NBR1: variants seen among roughly 807,000 people sequenced by gnomAD.
NBR1 encodes next to BRCA1 gene 1 protein.
In NBR1, 59 loss-of-function variants were observed where a neutral mutation model predicts 115.5. The observed-to-expected ratio is 0.51, with a 90% CI of 0.41 to 0.63. The LOEUF is 0.63. Ranked by LOEUF, NBR1 falls within the 30% of genes least tolerant of loss-of-function variation. The pLI is 0.00. For synonymous variants in NBR1, 373 were observed against 414.7 expected (o/e 0.90, Z 1.22); for missense variants, 1,043 against 1,150.5 (o/e 0.91, Z 1.35).
At chr17:43,185,915 C>T (rs2056789258) in intron 5 of NBR1, among the ~76,000 whole-genome samples, 2 of 151,862 alleles carry the variant, frequency 1.3e-5, no homozygotes, top group African/African-American at 4.8e-5. Context: ...GCAGGAGAAT[C>T]GTTTGAACCC....
intron 19 of NBR1, 113 bp downstream of exon 19, chr17:43,202,825 A>G: frequency 1.2e-6 from 1 of 815,916 alleles, no homozygotes; most frequent in Non-Finnish European, 2.0e-6. Context: ...AGAGAAGGGG[A>G]GCCTTTGTTC....
In NBR1 at chr17:43,189,722, T is replaced by C. The variant is rs770834261; in HGVS notation, c.615T>C (p.Phe205=). The change falls in exon 8 of 21, where the codon TTT becomes TTC. Residue 205 remains phenylalanine (F), a synonymous_variant. Coordinates refer to ENST00000590996, the MANE Select transcript of NBR1 (RefSeq NM_005899.5). ...TGCCTACTTCAGAAGAAACATTGTTTTTGCCAGAAAACCAGTTCAGCTGGC... is the reference window on the plus strand; with the variant it reads ...TGCCTACTTCAGAAGAAACATTGTTCTTGCCAGAAAACCAGTTCAGCTGGC... ...VSMPTSEETL[F]LPENQFSWHI... is the part of the protein sequence containing the mutation. 5 of 1,613,894 alleles carry C rather than the reference T, an allele frequency of 3.1e-6. No homozygotes were observed. Among genetic ancestry groups the C allele is most frequent in the South Asian group, 1.1e-5 (1 of 91,082 alleles).
Position 43,210,727 on chromosome 17 carries a change from T to A in NBR1, c.*653T>A, listed in dbSNP as rs1424189457. On this transcript the variant is annotated 3_prime_UTR_variant, in exon 21 of 21. Transcript: ENST00000590996. ...CGCATTTCAATGAAAGGAGGAAGAG[T>A]GTGCTGATAAACCTACCAGCACCTA... 1 of 398,230 alleles carries A rather than the reference T, an allele frequency of 2.5e-6. No homozygotes were observed. Among genetic ancestry groups the A allele is most frequent in the African/African-American group, 2.1e-5 (1 of 48,568 alleles). 24.7% of individuals were successfully genotyped at this position (398,230 alleles called of 1,614,324 possible).
intron 2 of NBR1, among the ~76,000 whole-genome samples, chr17:43,177,252 G>A (rs1231060752): frequency 1.0e-4 from 14 of 133,808 alleles, no homozygotes; most frequent in Non-Finnish European, 1.8e-4. Context: ...CAGCCTGAGC[G>A]ACAGAGTGAG....
intron 9 of NBR1, 50 bp from the exon 10 acceptor site, chr17:43,191,322 C>G (rs771818220): frequency 1.4e-6 from 2 of 1,397,980 alleles, no homozygotes; most frequent in Non-Finnish European, 2.0e-6. Flanking sequence ...CACATAGCTT[C>G]AGAATTTATT....
chr17:43,200,633 G>C lies in NBR1; in HGVS notation c.2468+25G>C, dbSNP rs549960438. On this transcript the variant is annotated intron_variant, in intron 17 of 20. Transcript: ENST00000590996. ...GGTACCACTCACAGCCCCCTCAGCT[G>C]GGGTGTTCTTCAGAGGTGAAATAAA... is the stretch of plus-strand genomic sequence containing the variant. The C allele has an allele frequency of 5.7e-6, 9 of 1,566,916 alleles. 1 individual carries two copies. In the Admixed American group the frequency reaches 1.6e-4, roughly 28 times the overall value.
chr17:43,204,051 A>T (rs947697697), intron 20 of NBR1, among the ~76,000 whole-genome samples: 5 of 150,388 alleles, frequency 3.3e-5, no homozygotes, highest in Non-Finnish European at 7.4e-5. Context: ...CATTCTCCTG[A>T]CTCAGCCTCC....
At chr17:43,189,955 C>T (rs1380582640) in intron 8 of NBR1, 153 bp downstream of exon 8, 7 of 668,156 alleles carry the variant, frequency 1.0e-5, no homozygotes, top group African/African-American at 7.2e-5. Context: ...ACTCTTCACC[C>T]ACATGCTTTG....
At chr17:43,177,165 C>A (rs1257550161) in intron 2 of NBR1, among the ~76,000 whole-genome samples, 3 of 151,210 alleles carry the variant, frequency 2.0e-5, no homozygotes, top group African/African-American at 7.3e-5. Flanking sequence ...TCCAGCTACT[C>A]CGGAGGTTGA....
chr17:43,204,813 T>TAAAAAAAAAAA (rs1214948352), intron 20 of NBR1, among the ~76,000 whole-genome samples: 3 of 122,258 alleles, frequency 2.5e-5, no homozygotes, highest in Admixed American at 8.8e-5. Context: ...GACTCCATCT[T>TAAAAAAAAAAA]AAAAAAAAAA....
At chr17:43,177,871 G>C (rs949254927) in intron 2 of NBR1, 65 bp from the exon 3 acceptor site, 1 of 1,283,624 alleles carries the variant, frequency 7.8e-7, no homozygotes, top group African/African-American at 1.5e-5. Context: ...TGATTTTGTG[G>C]GTTTTTTTTA....
In NBR1 at chr17:43,193,856, T is replaced by G. The variant is rs545690692; in HGVS notation, c.1524+218T>G. 2.0e-4 allele frequency among the ~76,000 whole-genome samples: 30 copies of G among 152,340 alleles called. 1 individual carries two copies. The highest frequency in any genetic ancestry group is 7.0e-4 in the African/African-American group (29 of 41,580). On this transcript the variant is annotated intron_variant, in intron 12 of 20. Coordinates refer to ENST00000590996, the MANE Select transcript of NBR1 (RefSeq NM_005899.5). ...GGGTCTTGCTGCATACTGAATACTT[T>G]TGTACCTCTTTGTGATGTTGCATGG...
Position 43,189,576 on chromosome 17 carries a change from T to C in NBR1, c.481-12T>C, listed in dbSNP as rs772096420. The C allele has an allele frequency of 2.7e-5, 43 of 1,605,630 alleles. No individual in the cohort carries two copies. Among genetic ancestry groups the C allele is most frequent in the Non-Finnish European group, 3.6e-5 (42 of 1,172,724 alleles). On this transcript the variant is annotated splice_polypyrimidine_tract_variant and intron_variant, in intron 7 of 20. Transcript: ENST00000590996. ...ACTGAGTTTTTTCCCTACCTTCTGC[T>C]CCATATTCTAGTTCAGAGAACAAGT... is the stretch of plus-strand genomic sequence containing the variant.
At chr17:43,207,923 T>A (rs1212315624) in intron 20 of NBR1, among the ~76,000 whole-genome samples, 1 of 152,032 alleles carries the variant, frequency 6.6e-6, no homozygotes, top group African/African-American at 2.4e-5. Context: ...TGCCTACAGA[T>A]TATAGCAGAA....
chr17:43,205,799 G>A (rs538835220), intron 20 of NBR1, among the ~76,000 whole-genome samples: 3 of 149,952 alleles, frequency 2.0e-5, no homozygotes, highest in African/African-American at 7.4e-5. Flanking sequence ...GATCACTTCA[G>A]CCCGGGAGGC....
chr17:43,192,214 G>A (rs1407473121), intron 10 of NBR1, among the ~76,000 whole-genome samples: 1 of 151,338 alleles, frequency 6.6e-6, no homozygotes, highest in Non-Finnish European at 1.5e-5. Context: ...GTAGAGATGG[G>A]GTTTCATCCT....
intron 8 of NBR1, 148 bp from the exon 9 acceptor site, chr17:43,190,461 G>A: frequency 1.3e-6 from 1 of 752,854 alleles, no homozygotes; most frequent in South Asian, 1.7e-5. Context: ...TTATTAATGA[G>A]GAAAATTGAG....
At chr17:43,187,249 C>G (rs1253999901) in intron 6 of NBR1, among the ~76,000 whole-genome samples, 2 of 151,946 alleles carry the variant, frequency 1.3e-5, no homozygotes, top group African/African-American at 4.8e-5. Flanking sequence ...GGCGCGATCT[C>G]GGCTTATTGC....
chr17:43,200,593 C>T lies in NBR1; in HGVS notation c.2453C>T (p.Pro818Leu), dbSNP rs750531654. The T allele has an allele frequency of 1.2e-6, 2 of 1,604,568 alleles. No homozygotes were observed. Among genetic ancestry groups the T allele is most frequent in the Non-Finnish European group, 1.7e-6 (2 of 1,173,080 alleles). The change falls in exon 17 of 21, where the codon CCA (proline) becomes CTA (leucine). Residue 818 changes from proline (P) to leucine (L), a missense_variant. By Grantham distance (98) the Pro-to-Leu change is moderately conservative. Coordinates refer to ENST00000590996, the MANE Select transcript of NBR1 (RefSeq NM_005899.5). ...CTAATCCCAGAGGTAGTGGAGCTTC[C>T]ACCGTCACTGCCCAGGTACCACTCA... ...VPLIPEVVELPPSLPRSSPCV... is the reference protein window; with the variant it reads ...VPLIPEVVELLPSLPRSSPCV...
Sources: allele counts gnomAD v4.1 joint callset (sites outside exome capture counted in the v4.1 genomes callset), GRCh38; gene constraint gnomAD v4.1.1; transcripts MANE v1.5; gene names NCBI Gene and HGNC (gene_info 2026-07-23, HGNC 2026-07-21).